The following NTN1 variants were observed in gnomAD, a reference collection of about 807,000 sequenced individuals.
NTN1 encodes the protein netrin-1.
Under a neutral mutation model 54.2 loss-of-function variants are expected in NTN1, and 11 were observed. That is an observed-to-expected ratio of 0.20 (90% CI 0.13 to 0.34). The LOEUF (loss-of-function observed/expected upper bound fraction) is 0.34, where lower values mean the gene tolerates loss of function less well. NTN1 is among the 10% of genes least tolerant of loss of function. The pLI, the probability that NTN1 is intolerant of heterozygous loss-of-function variation, is 1.00. For synonymous variants in NTN1, 371 were observed against 382.0 expected (o/e 0.97, Z 0.33); for missense variants, 740 against 893.1 (o/e 0.83, Z 2.18).
chr17:9,143,503 G>C (rs2092304356), intron 2 of NTN1, among the ~76,000 whole-genome samples: 1 of 152,154 alleles, frequency 6.6e-6, no homozygotes, highest in Non-Finnish European at 1.5e-5. Context: ...TACATTGCCT[G>C]CTCTGTCTTC....
chr17:9,217,473 A>G (rs1051157978), intron 5 of NTN1, among the ~76,000 whole-genome samples: 2 of 152,180 alleles, frequency 1.3e-5, no homozygotes, highest in South Asian at 2.1e-4. Flanking sequence ...GAAGGAGTCA[A>G]AGCTGCATTT....
intron 3 of NTN1, among the ~76,000 whole-genome samples, chr17:9,169,744 A>G (rs2092382352): frequency 6.6e-6 from 1 of 152,212 alleles, no homozygotes. Context: ...GCATGCCTGT[A>G]ATCCCAGCTA....
At chr17:9,036,048 C>T (rs911785144) in intron 2 of NTN1, among the ~76,000 whole-genome samples, 2 of 151,982 alleles carry the variant, frequency 1.3e-5, no homozygotes, top group Non-Finnish European at 2.9e-5. Flanking sequence ...TTTGTAGAGA[C>T]GGGGGTCTCA....
intron 5 of NTN1, among the ~76,000 whole-genome samples, chr17:9,193,741 G>A (rs1447337842): frequency 6.7e-6 from 1 of 149,712 alleles, no homozygotes; most frequent in Non-Finnish European, 1.5e-5. Flanking sequence ...TGACCAACAT[G>A]GAGAAACCCC....
At chr17:9,091,031 G>A (rs372539899) in intron 2 of NTN1, among the ~76,000 whole-genome samples, 3 of 152,130 alleles carry the variant, frequency 2.0e-5, no homozygotes, top group Non-Finnish European at 2.9e-5. Context: ...GCTGCCAGGC[G>A]GAGGACTCGG....
At chr17:9,026,407 A>G (rs1003787125) in intron 2 of NTN1, among the ~76,000 whole-genome samples, 5 of 151,988 alleles carry the variant, frequency 3.3e-5, no homozygotes, top group African/African-American at 1.2e-4. Context: ...GGGGGAACAA[A>G]CAACCCTCAA....
the NTN1 span, among the ~76,000 whole-genome samples, chr17:9,011,266 C>T: frequency 1.3e-5 from 2 of 152,126 alleles, no homozygotes; most frequent in Non-Finnish European, 2.9e-5. Context: ...AGTGGTAGTT[C>T]CTGGTCTGGG....
chr17:9,191,888 A>AG (rs1904470846), intron 5 of NTN1, among the ~76,000 whole-genome samples: 1 of 141,534 alleles, frequency 7.1e-6, no homozygotes, highest in Non-Finnish European at 1.6e-5. Flanking sequence ...AAAAAAAAAA[A>AG]AAATCCAGGG....
At chr17:9,087,596 G>T (rs1277706114) in intron 2 of NTN1, among the ~76,000 whole-genome samples, 2 of 152,158 alleles carry the variant, frequency 1.3e-5, no homozygotes, top group Non-Finnish European at 2.9e-5. Context: ...GGAGTTTGAA[G>T]CATTCATTGC....
chr17:9,210,317 C>T (rs1179825873), intron 5 of NTN1, among the ~76,000 whole-genome samples: 1 of 152,178 alleles, frequency 6.6e-6, no homozygotes, highest in African/African-American at 2.4e-5. Context: ...CTGTCTACAG[C>T]CACCCTGGCT....
chr17:9,033,917 CAAAAAAAAA>C (rs58699789), intron 2 of NTN1, among the ~76,000 whole-genome samples: 1 of 106,478 alleles, frequency 9.4e-6, no homozygotes, highest in African/African-American at 3.4e-5. Context: ...AACTCTGTCT[CAAAAAAAAA>C]AAAAAAAAGA....
intron 2 of NTN1, among the ~76,000 whole-genome samples, chr17:9,086,952 G>A (rs2092091931): frequency 1.3e-5 from 2 of 152,138 alleles, no homozygotes; most frequent in Admixed American, 1.3e-4. Context: ...CTAGCATCAT[G>A]GCAGCTAGCA....
chr17:9,180,761 G>A (rs573706525), intron 4 of NTN1, among the ~76,000 whole-genome samples: 2 of 152,266 alleles, frequency 1.3e-5, no homozygotes, highest in African/African-American at 2.4e-5. Flanking sequence ...GAGGCGTTCC[G>A]TACAGCTGTT....
intron 6 of NTN1, among the ~76,000 whole-genome samples, chr17:9,236,325 A>T (rs1288547534): frequency 1.3e-5 from 2 of 152,212 alleles, no homozygotes; most frequent in African/African-American, 4.8e-5. Flanking sequence ...GCTTCAAGCC[A>T]GAGGTTGGTC....
intron 2 of NTN1, among the ~76,000 whole-genome samples, chr17:9,155,339 C>CT (rs1285732828): frequency 8.4e-6 from 1 of 119,194 alleles, no homozygotes; most frequent in Non-Finnish European, 1.8e-5. Flanking sequence ...CTTTCTTTTT[C>CT]TTTTTTGTTT....
intron 5 of NTN1, among the ~76,000 whole-genome samples, chr17:9,202,643 C>T (rs1904833532): frequency 6.8e-6 from 1 of 146,612 alleles, no homozygotes; most frequent in Admixed American, 6.6e-5. Flanking sequence ...ACCTGAGACA[C>T]ATTATTCATT....
chr17:9,070,293 C>G (rs965112706), intron 2 of NTN1, among the ~76,000 whole-genome samples: 1 of 152,190 alleles, frequency 6.6e-6, no homozygotes, highest in African/African-American at 2.4e-5. Context: ...TAAATGTCAG[C>G]CATGAGCCTT....
At chr17:9,195,185 G>A (rs896723982) in intron 5 of NTN1, among the ~76,000 whole-genome samples, 2 of 99,718 alleles carry the variant, frequency 2.0e-5, no homozygotes, top group Admixed American at 1.3e-4. Flanking sequence ...AGGGCCAGGC[G>A]AGCTCTACCA....
At chr17:9,030,830 AT>A (rs990911894) in intron 2 of NTN1, among the ~76,000 whole-genome samples, 3 of 152,152 alleles carry the variant, frequency 2.0e-5, no homozygotes, top group Non-Finnish European at 4.4e-5. Context: ...GTTCAAGTAA[AT>A]TTGTTGGGTG....
Sources: allele counts gnomAD v4.1 joint callset (sites outside exome capture counted in the v4.1 genomes callset), GRCh38; gene constraint gnomAD v4.1.1; transcripts MANE v1.5; gene names NCBI Gene and HGNC (gene_info 2026-07-23, HGNC 2026-07-21).